The following CHRNA6 variants were observed in gnomAD, a reference collection of about 807,000 sequenced individuals.
CHRNA6 encodes the protein cholinergic receptor nicotinic alpha 6 subunit.
A neutral mutation model predicts 40.9 loss-of-function variants in CHRNA6; 31 were observed. That is an observed-to-expected ratio of 0.76 (90% CI 0.57 to 1.02). The LOEUF (loss-of-function observed/expected upper bound fraction) is 1.02, where lower values mean the gene tolerates loss of function less well. Among genes scored for constraint, CHRNA6 ranks in the 50% least tolerant of loss-of-function variants. The pLI is 0.00. For synonymous variants in CHRNA6, 222 were observed against 221.3 expected (o/e 1.00, Z -0.03); for missense variants, 546 against 596.6 (o/e 0.92, Z 0.88).
Position 42,768,682 on chromosome 8 carries a change from C to A in CHRNA6, c.-252G>T. The A allele has an allele frequency of 2.6e-6, 1 of 384,680 alleles. No homozygotes were observed. Among genetic ancestry groups the A allele is most frequent in the Non-Finnish European group, 4.7e-6 (1 of 211,982 alleles). 23.8% of individuals were successfully genotyped at this position (384,680 alleles called of 1,614,324 possible). On this transcript the variant is annotated 5_prime_UTR_variant, in exon 1 of 6. It adds an upstream start codon to the 5' untranslated region. Coordinates refer to ENST00000276410, the MANE Select transcript of CHRNA6 (RefSeq NM_004198.3). ...ATGAGTCATCACATTTCCTGACAGC[C>A]TAGATGTCTCTTCATGCAAGAAAGG...
intron 1 of CHRNA6, among the ~76,000 whole-genome samples, chr8:42,767,565 G>T (rs1816992123): frequency 6.6e-6 from 1 of 152,172 alleles, no homozygotes; most frequent in Non-Finnish European, 1.5e-5. Flanking sequence ...TAAATGGAAA[G>T]ATCTCTGTTA....
At position 42,756,301 on chromosome 8, in the gene CHRNA6, C is replaced by A; in HGVS notation, c.898G>T (p.Val300Phe). ...AGCAGGTACTCACCCACCAGTGGGA[C>A]CACCAGAGATGTGGATGGGATGGTT... ...TETIPSTSLV[V>F]PLVGEYLLFT... The change falls in exon 5 of 6, where the codon GTC (valine) becomes TTC (phenylalanine). Residue 300 changes from valine to phenylalanine, a missense_variant. Transcript: ENST00000276410. The A allele has an allele frequency of 6.2e-7, 1 of 1,614,172 alleles. No homozygotes were observed. Among genetic ancestry groups the A allele is most frequent in the Non-Finnish European group, 8.5e-7 (1 of 1,180,030 alleles).
At chr8:42,754,943 C>A (rs917030155) in intron 5 of CHRNA6, among the ~76,000 whole-genome samples, 1 of 152,140 alleles carries the variant, frequency 6.6e-6, no homozygotes, top group Non-Finnish European at 1.5e-5. Context: ...TCTCCCAGCA[C>A]CCCCAGGCTG....
chr8:42,758,743 A>G (rs1816849694), intron 3 of CHRNA6, among the ~76,000 whole-genome samples: 1 of 152,186 alleles, frequency 6.6e-6, no homozygotes, highest in Admixed American at 6.5e-5. Context: ...AAGCTCAGCT[A>G]CTGACTTCTC....
At chr8:42,755,078 T>C (rs1816774622) in intron 5 of CHRNA6, among the ~76,000 whole-genome samples, 2 of 149,506 alleles carry the variant, frequency 1.3e-5, no homozygotes, top group Admixed American at 1.3e-4. Flanking sequence ...CCCTGATCTG[T>C]CGTCTATCTC....
In CHRNA6 at chr8:42,756,300, A is replaced by G. The variant is rs142629147; in HGVS notation, c.899T>C (p.Val300Ala). The change falls in exon 5 of 6, where the codon GTC becomes GCC. Residue 300 changes from valine (V) to alanine (A), a missense_variant. Physicochemically the swap from Val to Ala is moderately conservative, Grantham distance 64 (BLOSUM62 0). Around this residue, in one of 3 missense-constraint regions of CHRNA6, gnomAD observed 476 missense variants for 494.5 expected, o/e 0.96. Coordinates refer to ENST00000276410, the MANE Select transcript of CHRNA6 (RefSeq NM_004198.3). ...CAGCAGGTACTCACCCACCAGTGGGACCACCAGAGATGTGGATGGGATGGT... is the reference window on the plus strand; with the variant it reads ...CAGCAGGTACTCACCCACCAGTGGGGCCACCAGAGATGTGGATGGGATGGT... ...TETIPSTSLVVPLVGEYLLFT... is the reference protein window; with the variant it reads ...TETIPSTSLVAPLVGEYLLFT... 5.0e-6 allele frequency: 8 copies of G among 1,614,136 alleles called. No homozygotes were observed. Among genetic ancestry groups the G allele is most frequent in the Non-Finnish European group, 6.8e-6 (8 of 1,180,050 alleles).
intron 2 of CHRNA6, among the ~76,000 whole-genome samples, chr8:42,762,260 CA>C (rs1816914297): frequency 6.6e-6 from 1 of 152,190 alleles, no homozygotes; most frequent in Non-Finnish European, 1.5e-5. Context: ...TTTATATTTA[CA>C]CTAAAACCTG....
Position 42,765,146 on chromosome 8 carries a change from G to C in CHRNA6, c.138C>G (p.Asn46Lys), listed in dbSNP as rs80342906. The C allele has an allele frequency of 4.3e-4, 693 of 1,613,920 alleles. No homozygotes were observed. Among genetic ancestry groups the C allele is most frequent in the Non-Finnish European group, 5.2e-4 (608 of 1,179,876 alleles). ...CGTTTTCCACAGGCCTGATGAACTG[G>C]TTGTAATGAGAAAACAGTTTGTGGA... ...RLFHKLFSHY[N>K]QFIRPVENVS... The change falls in exon 2 of 6, where the codon AAC becomes AAG. Residue 46 changes from asparagine to lysine, a missense_variant. Asn to Lys is a moderately conservative substitution (Grantham distance 94). Transcript: ENST00000276410.
chr8:42,762,648 C>T (rs562903546), intron 2 of CHRNA6, among the ~76,000 whole-genome samples: 1 of 152,114 alleles, frequency 6.6e-6, no homozygotes, highest in South Asian at 2.1e-4. Flanking sequence ...GACTCCATCT[C>T]AAAAGCAAAA....
At position 42,768,452 on chromosome 8, in the gene CHRNA6, CT is replaced by C; in HGVS notation, c.-23del. On this transcript the variant is annotated 5_prime_UTR_variant, in exon 1 of 6. It removes the in-frame stop codon of an upstream open reading frame in the 5' UTR. Coordinates refer to ENST00000276410, the MANE Select transcript of CHRNA6 (RefSeq NM_004198.3). ...GCATGGTTAAAACACACTTGGATTC[CT>C]TTTTCCTAGGCAAAGGATTGTGGAA... 3.8e-6 allele frequency: 6 copies of C among 1,598,842 alleles called. No individual in the cohort carries two copies. The highest frequency in any genetic ancestry group is 1.3e-5 in the African/African-American group (1 of 74,716).
chr8:42,755,435 C>T (rs1377891577), intron 5 of CHRNA6, among the ~76,000 whole-genome samples: 1 of 152,150 alleles, frequency 6.6e-6, no homozygotes, highest in Non-Finnish European at 1.5e-5. Flanking sequence ...TGCCACTATG[C>T]CTGGCTAATT....
intron 2 of CHRNA6, among the ~76,000 whole-genome samples, chr8:42,759,655 T>C (rs914878007): frequency 6.6e-6 from 1 of 152,024 alleles, no homozygotes; most frequent in Non-Finnish European, 1.5e-5. Context: ...CCCAGCATTC[T>C]GGGAGGCCGA....
chr8:42,758,688 A>G (rs1474207542), intron 3 of CHRNA6, among the ~76,000 whole-genome samples: 2 of 152,222 alleles, frequency 1.3e-5, no homozygotes, highest in African/African-American at 2.4e-5. Flanking sequence ...GAAGAAAGGT[A>G]TAACTGATAA....
intron 1 of CHRNA6, among the ~76,000 whole-genome samples, chr8:42,765,767 C>A (rs964171800): frequency 6.6e-6 from 1 of 152,138 alleles, no homozygotes; most frequent in Non-Finnish European, 1.5e-5. Flanking sequence ...AGGACATGAA[C>A]AGACACTTCT....
intron 2 of CHRNA6, among the ~76,000 whole-genome samples, chr8:42,764,575 C>A (rs964866395): frequency 6.6e-6 from 1 of 152,202 alleles, no homozygotes; most frequent in Non-Finnish European, 1.5e-5. Context: ...GATCCGCCTG[C>A]TTCAGCCTCC....
intron 2 of CHRNA6, among the ~76,000 whole-genome samples, chr8:42,763,021 C>T (rs972734894): frequency 2.6e-5 from 4 of 152,226 alleles, no homozygotes; most frequent in African/African-American, 9.6e-5. Flanking sequence ...AGATGGAAAG[C>T]AGCAGCTCTT....
At chr8:42,758,242 G>A (rs542499561) in intron 3 of CHRNA6, among the ~76,000 whole-genome samples, 1 of 151,936 alleles carries the variant, frequency 6.6e-6, no homozygotes, top group South Asian at 2.1e-4. Context: ...TCCATATTCC[G>A]TGAGCTATAC....
chr8:42,759,458 G>A, intron 2 of CHRNA6: 1 of 238,862 alleles, frequency 4.2e-6, no homozygotes, highest in Non-Finnish European at 8.5e-6. Context: ...GTAGGAGGGA[G>A]GGAGATGCTG....
In CHRNA6 at chr8:42,765,138, A is replaced by G; in HGVS notation, c.146T>C (p.Ile49Thr). 6.2e-7 allele frequency: 1 copy of G among 1,614,176 alleles called. No homozygotes were observed. The highest frequency in any genetic ancestry group is 8.5e-7 in the Non-Finnish European group (1 of 1,180,012). ...GTCGGAAACGTTTTCCACAGGCCTG[A>G]TGAACTGGTTGTAATGAGAAAACAG... ...HKLFSHYNQFIRPVENVSDPV... is the reference protein window; with the variant it reads ...HKLFSHYNQFTRPVENVSDPV... Residue 49 changes from isoleucine (I) to threonine (T), a missense_variant, in exon 2 of 6, where the codon ATC becomes ACC. Ile to Thr is a moderately conservative substitution (Grantham distance 89). Around this residue, in one of 3 missense-constraint regions of CHRNA6, gnomAD observed 476 missense variants for 494.5 expected, o/e 0.96. Coordinates refer to ENST00000276410, the MANE Select transcript of CHRNA6 (RefSeq NM_004198.3).
Sources: allele counts gnomAD v4.1 joint callset (sites outside exome capture counted in the v4.1 genomes callset), GRCh38; gene constraint gnomAD v4.1.1; regional missense constraint gnomAD v4.1.1; transcripts MANE v1.5; gene names NCBI Gene and HGNC (gene_info 2026-07-23, HGNC 2026-07-21).